FER: variants seen among roughly 807,000 people sequenced by gnomAD.
FER encodes tyrosine-protein kinase Fer.
FER carries 63 observed loss-of-function variants against 111.0 expected under a neutral mutation model. That is an observed-to-expected ratio of 0.57 (90% CI 0.46 to 0.70). FER has a LOEUF of 0.70. Ranked by LOEUF, FER falls within the 30% of genes least tolerant of loss-of-function variation. FER has a pLI of 0.00. For synonymous variants in FER, 327 were observed against 313.9 expected, an observed-to-expected ratio of 1.04 and a Z score of -0.44; for missense variants, 914 against 954.0, an observed-to-expected ratio of 0.96 and a Z score of 0.55.
chr5:109,100,428 A>C lies in FER; in HGVS notation c.1957A>C (p.Lys653Gln), dbSNP rs1748085477. ...GDFLTFLRRK[K>Q]DELKLKQLVK... ...TTTCCTCACCTTTCTGAGAAGGAAG[A>C]AGGATGAACTAAAACTCAAACAGTT... The change falls in exon 17 of 20, where the codon AAG (lysine) becomes CAG (glutamine). Residue 653 changes from lysine to glutamine, a missense_variant. Physicochemically the swap from Lys to Gln is moderately conservative, Grantham distance 53 (BLOSUM62 1). Transcript: ENST00000281092. The C allele has an allele frequency of 1.9e-6, 3 of 1,611,258 alleles. No homozygotes were observed. In the South Asian group the frequency reaches 3.3e-5, roughly 18 times the overall value.
At chr5:108,906,715 A>G (rs1408231022) in intron 10 of FER, among the ~76,000 whole-genome samples, 2 of 152,114 alleles carry the variant, frequency 1.3e-5, no homozygotes, top group African/African-American at 2.4e-5. Flanking sequence ...TGAAAGAAAA[A>G]AATCCCTAAG....
chr5:108,851,636 G>T (rs764488618), intron 5 of FER, among the ~76,000 whole-genome samples: 11 of 152,100 alleles, frequency 7.2e-5, no homozygotes, highest in Non-Finnish European at 1.0e-4. Flanking sequence ...ATATTTAATT[G>T]TATGGTATTG....
chr5:108,776,113 A>G lies in FER; in HGVS notation c.-60+7875A>G, dbSNP rs114870092. Among the ~76,000 whole-genome samples, 896 of 152,346 alleles carry G rather than the reference A, an allele frequency of 5.9e-3. 13 individuals are homozygous for G. Among genetic ancestry groups the G allele is most frequent in the African/African-American group, 0.021 (862 of 41,578 alleles). ...ATATTCTGATAATATAACTTGAACC[A>G]TAAACTAATTTTGATAGGTTTTTAT... is the stretch of plus-strand genomic sequence containing the variant. On this transcript the variant is annotated intron_variant, in intron 2 of 19. Coordinates refer to ENST00000281092, the MANE Select transcript of FER (RefSeq NM_005246.4).
intron 13 of FER, among the ~76,000 whole-genome samples, chr5:109,003,680 A>C (rs1203226873): frequency 2.0e-5 from 3 of 151,972 alleles, no homozygotes; most frequent in Admixed American, 6.5e-5. Context: ...ATTTAAATTT[A>C]AAAAATTAAA....
chr5:108,766,982 G>A (rs1752386937), intron 1 of FER, among the ~76,000 whole-genome samples: 2 of 152,150 alleles, frequency 1.3e-5, no homozygotes, highest in South Asian at 4.1e-4. Flanking sequence ...GCCAATTCAA[G>A]GATCATACTT....
intron 17 of FER, among the ~76,000 whole-genome samples, chr5:109,103,784 A>T (rs1748553951): frequency 1.3e-5 from 2 of 152,194 alleles, no homozygotes. Flanking sequence ...ATCTGTAAAG[A>T]ATACTCTGAT....
chr5:109,019,537 G>A lies in FER; in HGVS notation c.1657-17885G>A, dbSNP rs572804632. 2.6e-5 allele frequency among the ~76,000 whole-genome samples: 4 copies of A among 151,838 alleles called. No homozygotes were observed. The South Asian group carries it at 8.3e-4, about 32-fold the overall frequency. On this transcript the variant is annotated intron_variant, in intron 13 of 19. Transcript: ENST00000281092. ...TCAAAGTGTGATCGCCAGACCAGTA[G>A]CATCAATATCATAAGGGAACTTATT... is the stretch of plus-strand genomic sequence containing the variant.
intron 10 of FER, chr5:108,924,937 T>C: frequency 1.7e-6 from 1 of 578,232 alleles, no homozygotes; most frequent in East Asian, 3.5e-5. Context: ...CAAAATTCTT[T>C]TGAACAATGC....
At chr5:109,087,415 C>A (rs1218790826) in intron 16 of FER, among the ~76,000 whole-genome samples, 2 of 151,816 alleles carry the variant, frequency 1.3e-5, no homozygotes, top group Admixed American at 1.3e-4. Context: ...CTAAAATCTT[C>A]TAAATCTTTA....
At chr5:108,895,294 C>T (rs1277305049) in intron 9 of FER, among the ~76,000 whole-genome samples, 3 of 152,074 alleles carry the variant, frequency 2.0e-5, no homozygotes, top group East Asian at 3.9e-4. Flanking sequence ...TGTTGTCTAT[C>T]AGGGTTTGTA....
intron 10 of FER, among the ~76,000 whole-genome samples, chr5:108,927,025 G>T (rs1753834653): frequency 1.3e-5 from 2 of 151,900 alleles, no homozygotes; most frequent in Admixed American, 6.6e-5. Flanking sequence ...GCTTTTCTGG[G>T]TCATCTGTTC....
chr5:108,780,264 A>G (rs949691978), intron 2 of FER, among the ~76,000 whole-genome samples: 3 of 152,082 alleles, frequency 2.0e-5, no homozygotes, highest in Admixed American at 1.3e-4. Context: ...TCTTTTGGAC[A>G]TTTCTTGCAA....
chr5:109,114,531 G>A (rs1467435187), intron 17 of FER, among the ~76,000 whole-genome samples: 1 of 151,958 alleles, frequency 6.6e-6, no homozygotes, highest in Non-Finnish European at 1.5e-5. Flanking sequence ...TTGAACCCTT[G>A]CTCTGTAACC....
At chr5:109,156,733 A>G (rs1039331645) in intron 17 of FER, among the ~76,000 whole-genome samples, 2 of 152,120 alleles carry the variant, frequency 1.3e-5, no homozygotes, top group African/African-American at 4.8e-5. Context: ...ATAGTTTCAA[A>G]GAAGCAGTGG....
chr5:109,035,069 C>G (rs994902318), intron 13 of FER, among the ~76,000 whole-genome samples: 2 of 132,152 alleles, frequency 1.5e-5, no homozygotes, highest in African/African-American at 5.8e-5. Flanking sequence ...GAGTCTCGCT[C>G]TGTCATCAGG....
chr5:108,907,088 T>C (rs1465527247), intron 10 of FER, among the ~76,000 whole-genome samples: 2 of 152,136 alleles, frequency 1.3e-5, no homozygotes, highest in African/African-American at 4.8e-5. Flanking sequence ...ATACACTTCA[T>C]AGGATTGTTG....
intron 16 of FER, among the ~76,000 whole-genome samples, chr5:109,057,941 C>T (rs1237687132): frequency 6.6e-6 from 1 of 152,074 alleles, no homozygotes; most frequent in Non-Finnish European, 1.5e-5. Context: ...AACTGCAGAC[C>T]AATATCATTC....
chr5:109,037,865 A>G (rs1487130036), intron 14 of FER, among the ~76,000 whole-genome samples: 4 of 151,990 alleles, frequency 2.6e-5, no homozygotes, highest in African/African-American at 9.7e-5. Context: ...TACATGTGAT[A>G]GTTTAGAAAA....
At chr5:108,894,276 C>T in intron 9 of FER, 1 of 506,832 alleles carries the variant, frequency 2.0e-6, no homozygotes, top group Non-Finnish European at 2.9e-6. Flanking sequence ...AAGTATTGGG[C>T]ATTAGGGGTT....
Sources: gnomAD v4.1 joint callset for allele counts (sites outside exome capture counted in the v4.1 genomes callset) on GRCh38, gnomAD v4.1.1 for gene constraint, MANE v1.5 for transcripts, NCBI Gene and HGNC (gene_info 2026-07-23, HGNC 2026-07-21) for gene names.